The following CFAP299 variants were observed in gnomAD, a reference collection of about 807,000 sequenced individuals.
CFAP299 encodes cilia and flagella associated protein 299, also known as cilia- and flagella-associated protein 299.
A neutral mutation model predicts 27.0 loss-of-function variants in CFAP299; 21 were observed. That is an observed-to-expected ratio of 0.78 (90% CI 0.55 to 1.12). The LOEUF is 1.12. Ranked by LOEUF, CFAP299 falls within the 50% of genes most tolerant of loss-of-function variation. The probability of loss-of-function intolerance (pLI) is 0.00; values close to 1 mark genes in which losing one functional copy is unlikely to be tolerated. For synonymous variants in CFAP299, 104 were observed against 98.1 expected (o/e 1.06, Z -0.36); for missense variants, 310 against 276.6 (o/e 1.12, Z -0.86).
chr4:80,866,096 T>TATATATATATA (rs1732729159), intron 3 of CFAP299, among the ~76,000 whole-genome samples: 5 of 130,416 alleles, frequency 3.8e-5, no homozygotes, highest in East Asian at 2.4e-4. Flanking sequence ...TATATATATA[T>TATATATATATA]CTTCCCAAAT....
intron 3 of CFAP299, among the ~76,000 whole-genome samples, chr4:80,605,695 T>C (rs1287363450): frequency 2.0e-5 from 3 of 152,212 alleles, no homozygotes; most frequent in Non-Finnish European, 4.4e-5. Flanking sequence ...AACATTGTCA[T>C]GGTAGCTTTT....
At chr4:80,906,564 G>A (rs1290748077) in intron 4 of CFAP299, among the ~76,000 whole-genome samples, 4 of 152,162 alleles carry the variant, frequency 2.6e-5, no homozygotes, top group Non-Finnish European at 4.4e-5. Context: ...TCTTCTGCCT[G>A]GACATCCAGG....
At chr4:80,479,868 A>G (rs1313870204) in intron 2 of CFAP299, among the ~76,000 whole-genome samples, 4 of 152,046 alleles carry the variant, frequency 2.6e-5, no homozygotes, top group Non-Finnish European at 5.9e-5. Flanking sequence ...CACCTGGAAC[A>G]TTAACACATT....
At chr4:80,928,205 G>A (rs949507830) in intron 4 of CFAP299, among the ~76,000 whole-genome samples, 4 of 152,004 alleles carry the variant, frequency 2.6e-5, no homozygotes, top group African/African-American at 7.2e-5. Flanking sequence ...TTAGCTGCAC[G>A]TCTCTTTTTA....
At chr4:80,856,722 A>G (rs1731918681) in intron 3 of CFAP299, among the ~76,000 whole-genome samples, 1 of 152,030 alleles carries the variant, frequency 6.6e-6, no homozygotes, top group Non-Finnish European at 1.5e-5. Flanking sequence ...GTAGATATGC[A>G]GTGTTATTTC....
intron 1 of CFAP299, among the ~76,000 whole-genome samples, chr4:80,337,643 C>T (rs374995003): frequency 1.3e-3 from 192 of 152,090 alleles, no homozygotes; most frequent in Middle Eastern, 6.8e-3. Context: ...AGTGATCCAC[C>T]GGCCTCAGCC....
chr4:80,946,616 G>A (rs1056444778), intron 5 of CFAP299, among the ~76,000 whole-genome samples: 7 of 152,162 alleles, frequency 4.6e-5, no homozygotes, highest in African/African-American at 1.4e-4. Context: ...TAGACAACTG[G>A]CAGGTTCTAA....
At chr4:80,657,197 A>G (rs1740600074) in intron 3 of CFAP299, among the ~76,000 whole-genome samples, 3 of 152,022 alleles carry the variant, frequency 2.0e-5, no homozygotes. Flanking sequence ...CGCTGATGAT[A>G]GTTTCTTTTG....
intron 3 of CFAP299, among the ~76,000 whole-genome samples, chr4:80,810,846 T>C (rs868588348): frequency 1.3e-4 from 20 of 152,082 alleles, no homozygotes; most frequent in Non-Finnish European, 2.2e-4. Flanking sequence ...ATCCAACATA[T>C]ATGGTGAACA....
At chr4:80,823,681 A>G (rs1180601590) in intron 3 of CFAP299, among the ~76,000 whole-genome samples, 4 of 152,204 alleles carry the variant, frequency 2.6e-5, no homozygotes, top group African/African-American at 9.7e-5. Context: ...CTGACTGAAT[A>G]TCTACCTTAT....
intron 2 of CFAP299, among the ~76,000 whole-genome samples, chr4:80,430,588 C>T (rs566696544): frequency 6.6e-6 from 1 of 152,290 alleles, no homozygotes; most frequent in South Asian, 2.1e-4. Context: ...AATACACTCT[C>T]TAACAACTTC....
intron 3 of CFAP299, among the ~76,000 whole-genome samples, chr4:80,685,827 A>G (rs1024072217): frequency 4.6e-5 from 7 of 152,168 alleles, no homozygotes; most frequent in Non-Finnish European, 1.0e-4. Flanking sequence ...GAAGGTCCCC[A>G]TGGACCAGTT....
intron 2 of CFAP299, among the ~76,000 whole-genome samples, chr4:80,565,718 A>T (rs2110227473): frequency 6.6e-6 from 1 of 152,268 alleles, no homozygotes; most frequent in African/African-American, 2.4e-5. Flanking sequence ...CCATACATCC[A>T]TAATGAGATA....
chr4:80,366,795 G>T (rs1001950966), intron 2 of CFAP299, among the ~76,000 whole-genome samples: 3 of 152,108 alleles, frequency 2.0e-5, no homozygotes, highest in African/African-American at 7.2e-5. Flanking sequence ...GTAGTTAAAA[G>T]GTAGAAATTG....
chr4:80,460,039 A>T (rs949566963), intron 2 of CFAP299, among the ~76,000 whole-genome samples: 20 of 152,302 alleles, frequency 1.3e-4, no homozygotes, highest in African/African-American at 4.6e-4. Flanking sequence ...AGGTTACAGA[A>T]AGAATAGGGG....
intron 3 of CFAP299, among the ~76,000 whole-genome samples, chr4:80,667,470 C>T (rs187291013): frequency 6.6e-6 from 1 of 152,172 alleles, no homozygotes; most frequent in East Asian, 1.9e-4. Flanking sequence ...ATTCATTAAT[C>T]AACCTCTCTT....
chr4:80,852,767 G>C (rs150443429), intron 3 of CFAP299, among the ~76,000 whole-genome samples: 1 of 152,194 alleles, frequency 6.6e-6, no homozygotes, highest in East Asian at 1.9e-4. Context: ...AAATGCTCTT[G>C]ATGACATCAC....
Position 80,564,908 on chromosome 4 carries a change from A to G in CFAP299, c.243-18185A>G, listed in dbSNP as rs568254809. 7.9e-5 allele frequency among the ~76,000 whole-genome samples: 12 copies of G among 152,208 alleles called. No individual in the cohort carries two copies. The East Asian group carries it at 1.7e-3, about 22-fold the overall frequency. On this transcript the variant is annotated intron_variant, in intron 2 of 5. Coordinates refer to ENST00000358105, the MANE Select transcript of CFAP299 (RefSeq NM_152770.3). ...TATTTAAAAAGTAATCTCATCTACA[A>G]TAACCACATATAAAATTAAATACCT...
In CFAP299 at chr4:80,829,853, G is replaced by A. The variant is rs184887935; in HGVS notation, c.334-40140G>A. Among the ~76,000 whole-genome samples, 13 of 152,092 alleles carry A rather than the reference G, an allele frequency of 8.5e-5. No homozygotes were observed. In the East Asian group the frequency reaches 9.7e-4, roughly 11 times the overall value. On this transcript the variant is annotated intron_variant, in intron 3 of 5. Transcript: ENST00000358105. ...AAAGACAAATATACTGTATGATTCC[G>A]CTTATATGAGGTAGCTTAAGTAGTA...
Sources: allele counts gnomAD v4.1 joint callset (sites outside exome capture counted in the v4.1 genomes callset), GRCh38; gene constraint gnomAD v4.1.1; transcripts MANE v1.5; gene names NCBI Gene and HGNC (gene_info 2026-07-23, HGNC 2026-07-21).